RASGEF1A: variants seen among roughly 807,000 people sequenced by gnomAD.
RASGEF1A encodes the protein ras-GEF domain-containing family member 1A.
Under a neutral mutation model 56.4 loss-of-function variants are expected in RASGEF1A, and 18 were observed. That is an observed-to-expected ratio of 0.32 (90% CI 0.22 to 0.47). The LOEUF (loss-of-function observed/expected upper bound fraction) is 0.47, where lower values mean the gene tolerates loss of function less well. Ranked by LOEUF, RASGEF1A falls within the 20% of genes least tolerant of loss-of-function variation. The pLI is 1.00. For synonymous variants in RASGEF1A, 245 were observed against 242.6 expected, an observed-to-expected ratio of 1.01 and a Z score of -0.09; for missense variants, 422 against 627.1, an observed-to-expected ratio of 0.67 and a Z score of 3.49.
chr10:43,197,028 C>T lies in RASGEF1A; in HGVS notation c.1296G>A (p.Lys432=), dbSNP rs757549176. ...GCAGGTAACTCTGAATCTTCTTGTCCTTCTCGAAAGGACACTCTACCTGTG... is the reference window on the plus strand; with the variant it reads ...GCAGGTAACTCTGAATCTTCTTGTCTTTCTCGAAAGGACACTCTACCTGTG... ...TWTQVECPFE[K]DKKIQSYLLT... The change falls in exon 11 of 13, where the codon AAG becomes AAA. Residue 432 remains lysine (K), a synonymous_variant. Transcript: ENST00000395810. The T allele has an allele frequency of 9.3e-6, 15 of 1,614,028 alleles. No homozygotes were observed. The highest frequency in any genetic ancestry group is 1.6e-4 in the Middle Eastern group (1 of 6,072).
intron 1 of RASGEF1A, among the ~76,000 whole-genome samples, chr10:43,209,436 T>G (rs2133192838): frequency 6.6e-6 from 1 of 152,262 alleles, no homozygotes; most frequent in South Asian, 2.1e-4. Flanking sequence ...TATGTCAAGA[T>G]CCTCAAACCC....
chr10:43,198,925 G>A lies in RASGEF1A; in HGVS notation c.1032+8C>T, dbSNP rs1273266502. On this transcript the variant is annotated splice_region_variant and intron_variant, in intron 9 of 12. Coordinates refer to ENST00000395810, the MANE Select transcript of RASGEF1A (RefSeq NM_145313.4). ...AGCTCGCAGCTGTGACGGGGCTCAG[G>A]TGCCTACCTCCAAGACATCAAACTT... 45 of 1,612,000 alleles carry A rather than the reference G, an allele frequency of 2.8e-5. No homozygotes were observed. The highest frequency in any genetic ancestry group is 3.2e-5 in the Non-Finnish European group (38 of 1,179,052).
chr10:43,200,796 C>A lies in RASGEF1A; in HGVS notation c.552G>T (p.Glu184Asp), dbSNP rs1403310036. 6.2e-7 allele frequency: 1 copy of A among 1,613,970 alleles called. No homozygotes were observed. Among genetic ancestry groups the A allele is most frequent in the Non-Finnish European group, 8.5e-7 (1 of 1,180,042 alleles). The change falls in exon 5 of 13, where the codon GAG (glutamate) becomes GAT (aspartate). Residue 184 changes from glutamate (E) to aspartate (D), a missense_variant. By Grantham distance (45) the Glu-to-Asp change is conservative. Transcript: ENST00000395810. ...TGTCTACAGCCGGTGGCCGGAGCTTCTCTCGCAGTTCCTGGAGCTGGCTCC... is the reference window on the plus strand; with the variant it reads ...TGTCTACAGCCGGTGGCCGGAGCTTATCTCGCAGTTCCTGGAGCTGGCTCC... ...AARSQLQELREKLRPPAVDKG... is the reference protein window; with the variant it reads ...AARSQLQELRDKLRPPAVDKG...
intron 1 of RASGEF1A, among the ~76,000 whole-genome samples, chr10:43,232,883 G>A (rs561399845): frequency 2.6e-5 from 4 of 152,278 alleles, no homozygotes; most frequent in African/African-American, 7.2e-5. Context: ...GCAGCCGGGG[G>A]GGATCTCTTA....
intron 1 of RASGEF1A, among the ~76,000 whole-genome samples, chr10:43,251,335 C>T (rs1840625968): frequency 6.6e-6 from 1 of 152,180 alleles, no homozygotes; most frequent in Non-Finnish European, 1.5e-5. Flanking sequence ...TGTGTGCTTC[C>T]CATCTGCACC....
intron 1 of RASGEF1A, among the ~76,000 whole-genome samples, chr10:43,237,971 A>G (rs1277685376): frequency 6.6e-6 from 1 of 152,186 alleles, no homozygotes; most frequent in African/African-American, 2.4e-5. Flanking sequence ...TGGGCTCAGC[A>G]CAGCCCACCT....
chr10:43,260,626 C>T (rs1380205669), intron 1 of RASGEF1A, among the ~76,000 whole-genome samples: 1 of 152,150 alleles, frequency 6.6e-6, no homozygotes, highest in Non-Finnish European at 1.5e-5. Context: ...AGGCAGACTC[C>T]CGTGCCCATA....
At chr10:43,198,821 T>C (rs1839842447) in intron 9 of RASGEF1A, 112 bp downstream of exon 9, 6 of 961,918 alleles carry the variant, frequency 6.2e-6, no homozygotes, top group South Asian at 5.4e-5. Context: ...CTGTAGGTGC[T>C]AGCCCCAGGG....
rs1168880004 is a variant in RASGEF1A at position 43,196,368 on chromosome 10, C to A, written c.1422-100G>T. Reference sequence around the variant, plus strand: ...CCAAACATGCACCAGGGACCCTGGACCAGGGACGCGGCAGTGCCCAGGCTC... The same window carrying A: ...CCAAACATGCACCAGGGACCCTGGAACAGGGACGCGGCAGTGCCCAGGCTC... On this transcript the variant is annotated intron_variant, in intron 12 of 12. Transcript: ENST00000395810. This position sits in a 1 kb window ranked among gnomAD's most constrained non-coding sequence, Gnocchi z 4.6. The A allele has an allele frequency of 1.3e-6, 2 of 1,565,084 alleles. No individual in the cohort carries two copies. The highest frequency in any genetic ancestry group is 1.4e-5 in the African/African-American group (1 of 73,838).
chr10:43,215,115 C>T (rs763325875), intron 1 of RASGEF1A, among the ~76,000 whole-genome samples: 7 of 152,102 alleles, frequency 4.6e-5, no homozygotes, highest in Non-Finnish European at 1.0e-4. Context: ...TTCGGGGGAC[C>T]GATGAGCTCC....
chr10:43,265,156 GC>G (rs1836601559), intron 1 of RASGEF1A, among the ~76,000 whole-genome samples: 1 of 152,092 alleles, frequency 6.6e-6, no homozygotes. Context: ...CTCCTCCCCT[GC>G]CTGCAGTTGC....
chr10:43,198,013 A>C lies in RASGEF1A; in HGVS notation c.1215T>G (p.Ile405Met), dbSNP rs925138723. ...IHTNHLPNGH[I>M]NFKKFWEISR... Reference sequence around the variant, plus strand: ...GCTGGGATGAGCTCACCTTAAAGTTAATGTGCCCGTTGGGCAGGTGGTTGG... The same window carrying C: ...GCTGGGATGAGCTCACCTTAAAGTTCATGTGCCCGTTGGGCAGGTGGTTGG... Residue 405 changes from isoleucine (I) to methionine (M), a missense_variant, in exon 10 of 13, where the codon ATT becomes ATG. By Grantham distance (10) the Ile-to-Met change is conservative (BLOSUM62 1). Around this residue, in one of 2 missense-constraint regions of RASGEF1A, gnomAD observed 149 missense variants for 287.2 expected, o/e 0.52. Coordinates refer to ENST00000395810, the MANE Select transcript of RASGEF1A (RefSeq NM_145313.4). 13 of 1,611,422 alleles carry C rather than the reference A, an allele frequency of 8.1e-6. No homozygotes were observed. Among genetic ancestry groups the C allele is most frequent in the Non-Finnish European group, 1.1e-5 (13 of 1,177,934 alleles).
intron 1 of RASGEF1A, among the ~76,000 whole-genome samples, chr10:43,253,519 A>C (rs913096008): frequency 3.9e-5 from 6 of 152,238 alleles, no homozygotes; most frequent in African/African-American, 1.4e-4. Flanking sequence ...AAGTTGAAGA[A>C]TCTTTCCCCG....
intron 1 of RASGEF1A, among the ~76,000 whole-genome samples, chr10:43,216,035 G>A (rs1166610208): frequency 2.0e-5 from 3 of 152,180 alleles, no homozygotes; most frequent in Non-Finnish European, 2.9e-5. Flanking sequence ...CCTCCCTGGG[G>A]CACCTCCTGG....
chr10:43,251,632 T>A (rs981906446), intron 1 of RASGEF1A, among the ~76,000 whole-genome samples: 4 of 152,066 alleles, frequency 2.6e-5, no homozygotes, highest in Admixed American at 1.3e-4. Context: ...CAGTCAGGGG[T>A]GGCACAGTCC....
At chr10:43,199,797 G>T (rs747007195) in intron 6 of RASGEF1A, 29 bp from the exon 7 acceptor site, 3 of 1,579,592 alleles carry the variant, frequency 1.9e-6, no homozygotes. Context: ...GTCATAGGGG[G>T]CCTGGAGGAC....
At chr10:43,220,796 A>AG (rs1554826921) in intron 1 of RASGEF1A, among the ~76,000 whole-genome samples, 3,878 of 148,368 alleles carry the variant, frequency 0.026, 173 homozygotes, top group African/African-American at 0.088. Context: ...AAAAAAAAAA[A>AG]GGGGGGGGAG....
chr10:43,200,950 G>A lies in RASGEF1A; in HGVS notation c.460-62C>T, dbSNP rs1839887598. The A allele has an allele frequency of 6.8e-6, 10 of 1,467,378 alleles. No individual in the cohort carries two copies. The Admixed American group carries it at 1.5e-4, about 23-fold the overall frequency. The allele number at this position is 1,467,378 out of a possible 1,614,324, so 90.9% of individuals were successfully genotyped here. On this transcript the variant is annotated intron_variant, in intron 4 of 12. Transcript: ENST00000395810. ...CTGGCAGCAAGGCCACCACCACTGT[G>A]GGTAGGATCCATCTCACCTCCAGGG...
chr10:43,196,303 G>C lies in RASGEF1A; in HGVS notation c.1422-35C>G, dbSNP rs375828754. ...GACAGGACAAGCAGTGCTCAGGCCCGAGCAGGGCGGCTTGGGTCCAAGCCA... is the reference window on the plus strand; with the variant it reads ...GACAGGACAAGCAGTGCTCAGGCCCCAGCAGGGCGGCTTGGGTCCAAGCCA... On this transcript the variant is annotated intron_variant, in intron 12 of 12. Transcript: ENST00000395810. The surrounding 1 kb of genome is among the most constrained non-coding windows in gnomAD (Gnocchi z 4.6). 16 of 1,611,568 alleles carry C rather than the reference G, an allele frequency of 9.9e-6. No homozygotes were observed. Among genetic ancestry groups the C allele is most frequent in the Non-Finnish European group, 1.4e-5 (16 of 1,178,436 alleles).
Sources: gnomAD v4.1 joint callset for allele counts (sites outside exome capture counted in the v4.1 genomes callset) on GRCh38, gnomAD v4.1.1 for gene constraint, gnomAD v4.1.1 regional missense constraint, Gnocchi (gnomAD v3.1) non-coding constraint, MANE v1.5 for transcripts, NCBI Gene and HGNC (gene_info 2026-07-23, HGNC 2026-07-21) for gene names.